Variants in MGAT4C observed in about 807,000 individuals in gnomAD.
MGAT4C encodes the protein MGAT4 family member C.
MGAT4C carries 19 observed loss-of-function variants against 40.1 expected under a neutral mutation model. The ratio of observed to expected loss-of-function variants is 0.47; its 90% CI spans 0.33 to 0.70. The LOEUF is 0.70. Among genes scored for constraint, MGAT4C ranks in the 30% least tolerant of loss-of-function variants. MGAT4C has a pLI of 0.02. For missense variants in MGAT4C, 491 were observed against 563.2 expected, an observed-to-expected ratio of 0.87 and a Z score of 1.30; for synonymous variants, 181 against 187.1, an observed-to-expected ratio of 0.97 and a Z score of 0.27.
Position 85,977,525 on chromosome 12 carries a change from T to C in MGAT4C, c.*1764A>G, listed in dbSNP as rs1349634493. 1 of 151,488 alleles carries C rather than the reference T, an allele frequency of 6.6e-6. No homozygotes were observed. The highest frequency in any genetic ancestry group is 1.5e-5 in the Non-Finnish European group (1 of 67,518). The allele number at this position is 151,488 out of a possible 1,614,324, so 9.4% of individuals were successfully genotyped here. On this transcript the variant is annotated 3_prime_UTR_variant, in exon 5 of 5. Coordinates refer to ENST00000611864, the MANE Select transcript of MGAT4C (RefSeq NM_001351288.2). ...CAAAATATTAATATTTAGCCTCTTA[T>C]GAAAGGTTCGTTTTTCTTCTAACAC...
At chr12:86,401,693 G>T (rs1956365904) in intron 3 of MGAT4C, among the ~76,000 whole-genome samples, 1 of 152,014 alleles carries the variant, frequency 6.6e-6, no homozygotes, top group Non-Finnish European at 1.5e-5. Context: ...CATATTTCTA[G>T]CTTCCAGCAC....
intron 2 of MGAT4C, among the ~76,000 whole-genome samples, chr12:86,581,739 G>T (rs1960785612): frequency 6.6e-6 from 1 of 151,148 alleles, no homozygotes; most frequent in Non-Finnish European, 1.5e-5. Context: ...AAGTTTTCTT[G>T]GATTGCATGG....
At chr12:86,026,541 T>G (rs1890260646) in intron 2 of MGAT4C, among the ~76,000 whole-genome samples, 1 of 151,946 alleles carries the variant, frequency 6.6e-6, no homozygotes, top group Admixed American at 6.6e-5. Context: ...TAGTTCCAAA[T>G]ACTATCTTAC....
intron 1 of MGAT4C, among the ~76,000 whole-genome samples, chr12:86,743,858 C>T (rs528015220): frequency 9.9e-5 from 15 of 151,316 alleles, no homozygotes; most frequent in Admixed American, 9.9e-4. Context: ...GGCTTTTTTT[C>T]TTACTCAATT....
rs183576300 is a variant in MGAT4C, at chr12:86,340,410, A to G, written c.-119-6283T>C. ...TGTTTAGCTTGAAAGCCTATATTCA[A>G]CAAAAAGAATGATTTAAAATAACCA... On this transcript the variant is annotated intron_variant, in intron 3 of 7. Transcript: ENST00000548651. 2.2e-3 allele frequency among the ~76,000 whole-genome samples: 335 copies of G among 152,246 alleles called. 5 individuals carry two copies. Among genetic ancestry groups the G allele is most frequent in the Admixed American group, 0.018 (282 of 15,286 alleles).
At chr12:86,835,852 C>T (rs1412542170) in intron 1 of MGAT4C, among the ~76,000 whole-genome samples, 2 of 151,686 alleles carry the variant, frequency 1.3e-5, no homozygotes, top group African/African-American at 2.4e-5. Context: ...CCAAAACCCC[C>T]CTCCACACAC....
chr12:86,017,749 T>C (rs1236834147), intron 2 of MGAT4C, among the ~76,000 whole-genome samples: 7 of 152,282 alleles, frequency 4.6e-5, no homozygotes, highest in African/African-American at 1.2e-4. Context: ...CATCTACTTA[T>C]CTTCACTGCC....
In MGAT4C at chr12:86,347,503, T is replaced by C. The variant is rs73387291; in HGVS notation, c.-119-13376A>G. Among the ~76,000 whole-genome samples, 495 of 152,342 alleles carry C rather than the reference T, an allele frequency of 3.2e-3. 2 individuals are homozygous for C. The highest frequency in any genetic ancestry group is 0.012 in the African/African-American group (482 of 41,576). The stretch of plus-strand genomic sequence containing the variant: ...TAGGAGAGCCAGTCTCTGAGCACCT[T>C]TGGAACAAATCCCGTTTGTCTCAGT... On this transcript the variant is annotated intron_variant, in intron 3 of 7. Transcript: ENST00000548651.
In MGAT4C at chr12:85,957,889, A is replaced by C. The variant is rs1882895508; in HGVS notation, c.*21400T>G. On this transcript the variant is annotated 3_prime_UTR_variant, in exon 5 of 5. Coordinates refer to ENST00000611864, the MANE Select transcript of MGAT4C (RefSeq NM_001351288.2). ...GCTTTTGTTGCTTTTTCTCCAAGAA[A>C]ATTTGGAATGTTTTCATCTGACATA... The C allele has an allele frequency of 6.6e-6, 1 of 152,066 alleles. No homozygotes were observed. The highest frequency in any genetic ancestry group is 1.5e-5 in the Non-Finnish European group (1 of 67,998). 9.4% of individuals were successfully genotyped at this position (152,066 alleles called of 1,614,324 possible). A position where few individuals can be genotyped will look rare whatever the true frequency, so the allele number is the denominator to read the frequency against.
intron 2 of MGAT4C, among the ~76,000 whole-genome samples, chr12:86,717,054 C>T (rs1336066395): frequency 6.6e-6 from 1 of 152,024 alleles, no homozygotes; most frequent in Non-Finnish European, 1.5e-5. Flanking sequence ...GCAATTGAAA[C>T]TGACCTCAGA....
chr12:86,189,821 T>G (rs544080246), intron 1 of MGAT4C, among the ~76,000 whole-genome samples: 1 of 152,142 alleles, frequency 6.6e-6, no homozygotes, highest in African/African-American at 2.4e-5. Flanking sequence ...CCTTTTGTAT[T>G]CCCTCCAAAG....
chr12:86,012,185 G>A (rs993767241), intron 2 of MGAT4C, among the ~76,000 whole-genome samples: 8 of 152,034 alleles, frequency 5.3e-5, no homozygotes, highest in African/African-American at 1.7e-4. Flanking sequence ...GCTTGCTAAC[G>A]GCATATCCCA....
At chr12:86,824,092 G>T (rs566176026) in intron 1 of MGAT4C, among the ~76,000 whole-genome samples, 1 of 151,408 alleles carries the variant, frequency 6.6e-6, no homozygotes, top group Admixed American at 6.6e-5. Context: ...TCATCCCTTA[G>T]TTCAAGGTAC....
At chr12:86,362,687 C>A (rs1007835232) in intron 3 of MGAT4C, among the ~76,000 whole-genome samples, 2 of 151,470 alleles carry the variant, frequency 1.3e-5, no homozygotes. Context: ...CACAGTGAAA[C>A]CCTGTCTCTA....
At chr12:86,482,489 A>G (rs1957954116) in intron 2 of MGAT4C, among the ~76,000 whole-genome samples, 1 of 152,052 alleles carries the variant, frequency 6.6e-6, no homozygotes, top group African/African-American at 2.4e-5. Flanking sequence ...TAAAAAATGA[A>G]AAATTCAAAG....
At chr12:86,596,673 A>G (rs560033288) in intron 2 of MGAT4C, among the ~76,000 whole-genome samples, 2 of 152,288 alleles carry the variant, frequency 1.3e-5, no homozygotes, top group African/African-American at 2.4e-5. Flanking sequence ...TCTTTTGGCT[A>G]TAAGTCCCTT....
At chr12:86,524,578 G>A (rs1958848772) in intron 2 of MGAT4C, among the ~76,000 whole-genome samples, 1 of 151,824 alleles carries the variant, frequency 6.6e-6, no homozygotes, top group African/African-American at 2.4e-5. Context: ...ATCTTACTGG[G>A]GTTCTCTGGA....
intron 3 of MGAT4C, among the ~76,000 whole-genome samples, chr12:86,403,333 T>C (rs1956405831): frequency 6.6e-6 from 1 of 152,252 alleles, no homozygotes; most frequent in African/African-American, 2.4e-5. Flanking sequence ...TGGAAGTCTC[T>C]GGAACCATTC....
chr12:85,985,630 A>C (rs549756091), intron 3 of MGAT4C, among the ~76,000 whole-genome samples: 29 of 152,276 alleles, frequency 1.9e-4, no homozygotes, highest in Admixed American at 5.2e-4. Flanking sequence ...AAACTTTCAA[A>C]GTACTTGAGA....
Sources: gnomAD v4.1 joint callset for allele counts (sites outside exome capture counted in the v4.1 genomes callset) on GRCh38, gnomAD v4.1.1 for gene constraint, MANE v1.5 for transcripts, NCBI Gene and HGNC (gene_info 2026-07-23, HGNC 2026-07-21) for gene names.